The following GLMN variants were observed in gnomAD, a reference collection of about 807,000 sequenced individuals.
The protein encoded by GLMN is glomulin, FKBP associated protein.
A neutral mutation model predicts 87.8 loss-of-function variants in GLMN; 75 were observed. The ratio of observed to expected loss-of-function variants is 0.85; its 90% CI spans 0.71 to 1.04. The LOEUF (loss-of-function observed/expected upper bound fraction) is 1.04. Ranked by LOEUF, GLMN falls within the 50% of genes least tolerant of loss-of-function variation. The pLI is 0.00. For synonymous variants in GLMN, 206 were observed against 221.6 expected, an observed-to-expected ratio of 0.93 and a Z score of 0.63; for missense variants, 588 against 658.8, an observed-to-expected ratio of 0.89 and a Z score of 1.18.
At chr1:92,318,322 C>G in the GLMN span, among the ~76,000 whole-genome samples, 2 of 152,174 alleles carry the variant, frequency 1.3e-5, no homozygotes, top group Non-Finnish European at 2.9e-5. Flanking sequence ...TATTATGTTA[C>G]TCACTTTATG....
intron 16 of GLMN, among the ~76,000 whole-genome samples, chr1:92,254,563 G>A (rs182684778): frequency 1.1e-3 from 165 of 152,296 alleles, no homozygotes; most frequent in African/African-American, 3.5e-3. Flanking sequence ...GACTAACAGC[G>A]GTTCTCTCTG....
intron 13 of GLMN, 108 bp downstream of exon 13, chr1:92,266,311 A>G: frequency 1.4e-6 from 1 of 726,906 alleles, no homozygotes; most frequent in Admixed American, 2.0e-5. Context: ...ACCAGAGTTG[A>G]ATTACATGTA....
At chr1:92,283,004 A>T (rs1484389745) in intron 7 of GLMN, among the ~76,000 whole-genome samples, 2 of 152,206 alleles carry the variant, frequency 1.3e-5, no homozygotes, top group African/African-American at 4.8e-5. Flanking sequence ...CAACCAAAAA[A>T]AGTCGAGGAC....
the GLMN span, among the ~76,000 whole-genome samples, chr1:92,351,305 C>CAAAAAAAA: frequency 2.1e-4 from 18 of 86,836 alleles, no homozygotes; most frequent in African/African-American, 6.7e-4. Context: ...GACTCTGTCT[C>CAAAAAAAA]AAAAAAAAAA....
At chr1:92,297,346 G>T in intron 3 of GLMN, 58 bp downstream of exon 3, 1 of 1,592,626 alleles carries the variant, frequency 6.3e-7, no homozygotes, top group Admixed American at 1.7e-5. Context: ...TGGATGAATA[G>T]CATCATGTGA....
chr1:92,323,075 T>A, the GLMN span, among the ~76,000 whole-genome samples: 1 of 144,848 alleles, frequency 6.9e-6, no homozygotes, highest in Non-Finnish European at 1.5e-5. Context: ...ATATATATAT[T>A]TATATATATA....
At chr1:92,353,753 T>C in the GLMN span, among the ~76,000 whole-genome samples, 3 of 152,228 alleles carry the variant, frequency 2.0e-5, no homozygotes, top group South Asian at 6.2e-4. Flanking sequence ...AGATTATTTC[T>C]ATACGTTCCC....
upstream of GLMN, among the ~76,000 whole-genome samples, chr1:92,299,456 A>G (rs1571005499): frequency 2.0e-5 from 3 of 152,198 alleles, no homozygotes; most frequent in East Asian, 5.8e-4. Flanking sequence ...GCAAGTGACT[A>G]GGGCAGCGTT....
Position 92,271,504 on chromosome 1 carries a change from A to G in GLMN, c.884T>C (p.Val295Ala). The change falls in exon 8 of 19, where the codon GTA (valine) becomes GCA (alanine). Residue 295 changes from valine (V) to alanine (A), a missense_variant. Transcript: ENST00000370360. ...SMASLAYLVF[V>A]QGIHIDQLPM... ...AAGCTGATCAATATGGATGCCCTGTACAAATACTAGATATGCCAGAGAAGC... is the reference window on the plus strand; with the variant it reads ...AAGCTGATCAATATGGATGCCCTGTGCAAATACTAGATATGCCAGAGAAGC... 1 of 1,613,428 alleles carries G rather than the reference A, an allele frequency of 6.2e-7. No individual in the cohort carries two copies. Among genetic ancestry groups the G allele is most frequent in the Non-Finnish European group, 8.5e-7 (1 of 1,179,406 alleles).
At chr1:92,319,357 TTC>T in the GLMN span, among the ~76,000 whole-genome samples, 3 of 152,382 alleles carry the variant, frequency 2.0e-5, no homozygotes, top group African/African-American at 7.2e-5. Context: ...AAATTGCTTA[TTC>T]TCTCTGTACT....
At chr1:92,276,760 T>A (rs1647346766) in intron 7 of GLMN, among the ~76,000 whole-genome samples, 1 of 152,144 alleles carries the variant, frequency 6.6e-6, no homozygotes, top group Admixed American at 6.6e-5. Flanking sequence ...TAGGGAAGCA[T>A]CCTTAAAGAC....
At chr1:92,294,693 G>T (rs1325186539) in intron 3 of GLMN, among the ~76,000 whole-genome samples, 1 of 151,976 alleles carries the variant, frequency 6.6e-6, no homozygotes, top group African/African-American at 2.4e-5. Context: ...TGTTGTTGTT[G>T]TTGTTGAGAT....
the GLMN span, among the ~76,000 whole-genome samples, chr1:92,335,469 T>C: frequency 1.6e-4 from 25 of 152,274 alleles, no homozygotes; most frequent in Non-Finnish European, 3.2e-4. Flanking sequence ...AAATTACCTG[T>C]AATCCCACCA....
At chr1:92,290,646 G>T (rs1230763256) in intron 4 of GLMN, among the ~76,000 whole-genome samples, 1 of 152,140 alleles carries the variant, frequency 6.6e-6, no homozygotes. Flanking sequence ...ATTTAGACTA[G>T]TCTGGAATCT....
At chr1:92,258,792 T>A (rs1433030792) in intron 16 of GLMN, among the ~76,000 whole-genome samples, 2 of 152,028 alleles carry the variant, frequency 1.3e-5, no homozygotes, top group African/African-American at 4.8e-5. Flanking sequence ...GAGAAATACC[T>A]AATATAGATG....
At chr1:92,318,978 A>G in the GLMN span, among the ~76,000 whole-genome samples, 1 of 152,316 alleles carries the variant, frequency 6.6e-6, no homozygotes, top group African/African-American at 2.4e-5. Flanking sequence ...GGGCTGTATG[A>G]TCAAAGGATT....
chr1:92,310,121 T>C, the GLMN span, among the ~76,000 whole-genome samples: 1 of 152,230 alleles, frequency 6.6e-6, no homozygotes, highest in Non-Finnish European at 1.5e-5. Flanking sequence ...TCTATATATA[T>C]GCATCTGCCT....
chr1:92,344,516 G>C, the GLMN span, among the ~76,000 whole-genome samples: 3 of 152,100 alleles, frequency 2.0e-5, no homozygotes, highest in African/African-American at 4.8e-5. Flanking sequence ...TTATAAATAT[G>C]CCACAGTTTA....
At chr1:92,323,325 A>G in the GLMN span, 8 of 592,062 alleles carry the variant, frequency 1.4e-5, no homozygotes, top group South Asian at 3.3e-4. Flanking sequence ...CTGGGGAATA[A>G]AAATTTCTAC....
Sources: allele counts gnomAD v4.1 joint callset (sites outside exome capture counted in the v4.1 genomes callset), GRCh38; gene constraint gnomAD v4.1.1; transcripts MANE v1.5; gene names NCBI Gene and HGNC (gene_info 2026-07-23, HGNC 2026-07-21).